The following ARHGAP26 variants were observed in gnomAD, a reference collection of about 807,000 sequenced individuals.
ARHGAP26 encodes Rho GTPase activating protein 26.
ARHGAP26 carries 38 observed loss-of-function variants against 104.8 expected under a neutral mutation model. That is an observed-to-expected ratio of 0.36 (90% CI 0.28 to 0.48). ARHGAP26 has a LOEUF of 0.48. ARHGAP26 is among the 20% of genes least tolerant of loss of function. The probability of loss-of-function intolerance (pLI) is 0.99; values close to 1 mark genes in which losing one functional copy is unlikely to be tolerated. For missense variants in ARHGAP26, 704 were observed against 947.9 expected, an observed-to-expected ratio of 0.74 and a Z score of 3.38; for synonymous variants, 341 against 340.0, an observed-to-expected ratio of 1.00 and a Z score of -0.03.
chr5:143,204,428 G>A (rs1371607922), intron 20 of ARHGAP26, among the ~76,000 whole-genome samples: 1 of 152,206 alleles, frequency 6.6e-6, no homozygotes, highest in African/African-American at 2.4e-5. Context: ...GGAGGCTGAG[G>A]TAGGAGAATC....
At chr5:142,997,824 T>C (rs1169129548) in intron 11 of ARHGAP26, among the ~76,000 whole-genome samples, 1 of 152,026 alleles carries the variant, frequency 6.6e-6, no homozygotes. Flanking sequence ...AATGCTGATA[T>C]CGTGTCTAAG....
At chr5:143,171,157 G>A (rs1320952121) in intron 20 of ARHGAP26, among the ~76,000 whole-genome samples, 1 of 152,158 alleles carries the variant, frequency 6.6e-6, no homozygotes, top group Admixed American at 6.5e-5. Flanking sequence ...CTGTTGCCAG[G>A]CACTAGCCTA....
In ARHGAP26 at chr5:142,916,461, G is replaced by A. The variant is rs577786563; in HGVS notation, c.1028+3168G>A. ...ACACCCACACAGTTCGACTTTCTGGGACTGAGACCCTGAAATCCATATTTT... is the reference window on the plus strand; with the variant it reads ...ACACCCACACAGTTCGACTTTCTGGAACTGAGACCCTGAAATCCATATTTT... On this transcript the variant is annotated intron_variant, in intron 10 of 22. Transcript: ENST00000645722. Among the ~76,000 whole-genome samples the A allele has an allele frequency of 2.6e-5, 4 of 152,274 alleles. No individual in the cohort carries two copies. In the East Asian group the frequency reaches 5.8e-4, roughly 22 times the overall value.
At chr5:142,891,442 C>A (rs1016069961) in intron 5 of ARHGAP26, among the ~76,000 whole-genome samples, 13 of 151,912 alleles carry the variant, frequency 8.6e-5, no homozygotes, top group African/African-American at 2.4e-4. Context: ...TGAATATATT[C>A]TTTCGGGGTG....
chr5:142,914,376 T>G (rs1305415079), intron 10 of ARHGAP26, among the ~76,000 whole-genome samples: 2 of 152,270 alleles, frequency 1.3e-5, no homozygotes, highest in Non-Finnish European at 2.9e-5. Flanking sequence ...CCAGACAACC[T>G]GGGTTCAAAT....
chr5:143,116,819 C>G (rs1475318694), intron 17 of ARHGAP26, among the ~76,000 whole-genome samples: 1 of 152,208 alleles, frequency 6.6e-6, no homozygotes, highest in Non-Finnish European at 1.5e-5. Flanking sequence ...CTCATTGAAT[C>G]CAGTTCATGC....
At chr5:142,864,867 C>CG (rs1268295363) in intron 1 of ARHGAP26, among the ~76,000 whole-genome samples, 1 of 152,184 alleles carries the variant, frequency 6.6e-6, no homozygotes, top group African/African-American at 2.4e-5. Context: ...AGTGAGAGAC[C>CG]GGGATTTAAG....
intron 11 of ARHGAP26, among the ~76,000 whole-genome samples, chr5:142,934,329 A>G (rs1025175405): frequency 1.3e-5 from 2 of 152,218 alleles, no homozygotes; most frequent in African/African-American, 2.4e-5. Flanking sequence ...ACAAATGAAA[A>G]CAAGTTTAAA....
At chr5:142,794,663 G>C (rs898535210) in intron 1 of ARHGAP26, among the ~76,000 whole-genome samples, 1 of 152,192 alleles carries the variant, frequency 6.6e-6, no homozygotes, top group Non-Finnish European at 1.5e-5. Flanking sequence ...TAAGTGCCTA[G>C]AGAGTAGGGA....
chr5:143,001,351 A>G (rs1471752150), intron 11 of ARHGAP26, among the ~76,000 whole-genome samples: 1 of 152,256 alleles, frequency 6.6e-6, no homozygotes, highest in Non-Finnish European at 1.5e-5. Flanking sequence ...ATGGACAAAT[A>G]TTGAACTTTA....
chr5:143,018,261 C>T (rs1364029032), intron 12 of ARHGAP26, among the ~76,000 whole-genome samples: 1 of 152,124 alleles, frequency 6.6e-6, no homozygotes, highest in East Asian at 1.9e-4. Flanking sequence ...TTAGATTTAG[C>T]CAGTTTAAAT....
intron 11 of ARHGAP26, among the ~76,000 whole-genome samples, chr5:142,944,251 A>G (rs1766790506): frequency 2.0e-5 from 3 of 152,164 alleles, no homozygotes; most frequent in Admixed American, 1.3e-4. Flanking sequence ...TGACATAATA[A>G]TAGCTTTAGT....
intron 14 of ARHGAP26, among the ~76,000 whole-genome samples, chr5:143,050,060 T>G (rs1047313441): frequency 6.6e-6 from 1 of 152,206 alleles, no homozygotes; most frequent in African/African-American, 2.4e-5. Context: ...GTTGGGGGGT[T>G]GCAGCATGGC....
intron 20 of ARHGAP26, among the ~76,000 whole-genome samples, chr5:143,160,588 G>A (rs929640095): frequency 2.6e-5 from 4 of 151,686 alleles, no homozygotes; most frequent in Admixed American, 6.6e-5. Flanking sequence ...AGGCTCAAGC[G>A]ATCCTTCCAC....
intron 17 of ARHGAP26, among the ~76,000 whole-genome samples, chr5:143,084,581 G>A (rs3776323): frequency 0.075 from 11,403 of 152,204 alleles, 733 homozygotes; most frequent in East Asian, 0.2. Flanking sequence ...AGGGAACTCT[G>A]CCCTCTCCAG....
intron 1 of ARHGAP26, among the ~76,000 whole-genome samples, chr5:142,781,963 C>T (rs1020240185): frequency 6.6e-6 from 1 of 152,204 alleles, no homozygotes; most frequent in Admixed American, 6.5e-5. Flanking sequence ...GATCTGCCCG[C>T]CTTGGCCTCC....
At chr5:142,774,337 T>C (rs1382664058) in intron 1 of ARHGAP26, among the ~76,000 whole-genome samples, 1 of 152,258 alleles carries the variant, frequency 6.6e-6, no homozygotes. Flanking sequence ...ACTGAAAAAA[T>C]TTGCATCCAG....
At chr5:142,872,876 G>A (rs559436386) in intron 1 of ARHGAP26, among the ~76,000 whole-genome samples, 1 of 152,302 alleles carries the variant, frequency 6.6e-6, no homozygotes, top group South Asian at 2.1e-4. Context: ...GTCAGAAGAG[G>A]AAGGCCAGGT....
At chr5:143,100,758 C>A (rs1793099444) in intron 17 of ARHGAP26, among the ~76,000 whole-genome samples, 1 of 152,194 alleles carries the variant, frequency 6.6e-6, no homozygotes, top group African/African-American at 2.4e-5. Context: ...TTTGCTTCTC[C>A]TTTCTAGTAT....
Sources: allele counts gnomAD v4.1 joint callset (sites outside exome capture counted in the v4.1 genomes callset), GRCh38; gene constraint gnomAD v4.1.1; transcripts MANE v1.5; gene names NCBI Gene and HGNC (gene_info 2026-07-23, HGNC 2026-07-21).